The following MRAP2 variants were observed in gnomAD, a reference collection of about 807,000 sequenced individuals.
The protein encoded by MRAP2 is melanocortin 2 receptor accessory protein 2.
Under a neutral mutation model 17.4 loss-of-function variants are expected in MRAP2, and 20 were observed. The observed-to-expected ratio is 1.15, with a 90% confidence interval of 0.81 to 1.67. The LOEUF is 1.67. Ranked by LOEUF, MRAP2 falls within the 40% of genes most tolerant of loss-of-function variation. MRAP2 has a pLI of 0.00. For missense variants in MRAP2, 238 were observed against 240.0 expected (o/e 0.99, Z 0.05); for synonymous variants, 96 against 88.4 (o/e 1.09, Z -0.48).
the MRAP2 span, among the ~76,000 whole-genome samples, chr6:84,141,663 G>T: frequency 6.6e-6 from 1 of 152,156 alleles, no homozygotes; most frequent in Non-Finnish European, 1.5e-5. Context: ...ACTCCAGCCT[G>T]ATATCCAGGG....
intron 1 of MRAP2, among the ~76,000 whole-genome samples, chr6:84,047,454 A>C (rs548902244): frequency 1.2e-4 from 18 of 152,050 alleles, no homozygotes; most frequent in African/African-American, 4.3e-4. Context: ...GGCTTCCCAA[A>C]GTACTGGGAT....
chr6:84,076,124 C>T (rs935464133), intron 3 of MRAP2, among the ~76,000 whole-genome samples: 12 of 151,786 alleles, frequency 7.9e-5, no homozygotes, highest in East Asian at 3.9e-4. Flanking sequence ...TGCAGTGGTG[C>T]GATCTCGGCT....
chr6:84,127,663 T>C, the MRAP2 span, among the ~76,000 whole-genome samples: 1 of 152,202 alleles, frequency 6.6e-6, no homozygotes, highest in Non-Finnish European at 1.5e-5. Flanking sequence ...TTTCAATTCC[T>C]GTAACCTTTT....
intron 1 of MRAP2, among the ~76,000 whole-genome samples, chr6:84,048,897 G>A (rs905757613): frequency 2.6e-5 from 4 of 152,172 alleles, no homozygotes; most frequent in African/African-American, 7.2e-5. Context: ...GTCCATAAGG[G>A]CTTTCTCATC....
chr6:84,145,715 G>A, the MRAP2 span, among the ~76,000 whole-genome samples: 1 of 151,996 alleles, frequency 6.6e-6, no homozygotes, highest in Admixed American at 6.6e-5. Flanking sequence ...ATCTTAATAA[G>A]CTGAAGCTGA....
At chr6:84,122,146 C>CTAGT in the MRAP2 span, among the ~76,000 whole-genome samples, 2 of 151,870 alleles carry the variant, frequency 1.3e-5, no homozygotes, top group Admixed American at 1.3e-4. Context: ...ATACAAAGAG[C>CTAGT]TAGTATCAAT....
upstream of MRAP2, chr6:84,033,593 G>T (rs1256882891): frequency 1.2e-6 from 1 of 811,322 alleles, no homozygotes; most frequent in Non-Finnish European, 1.5e-6. Context: ...GAGGGGCAAA[G>T]TGAGCAGGAA....
At chr6:84,046,196 T>C (rs775107873) in intron 1 of MRAP2, among the ~76,000 whole-genome samples, 1 of 152,162 alleles carries the variant, frequency 6.6e-6, no homozygotes, top group Non-Finnish European at 1.5e-5. Context: ...AAAATGATAA[T>C]TGTTAATAAT....
chr6:84,089,269 A>C lies in MRAP2; in HGVS notation c.406A>C (p.Thr136Pro). Reference protein sequence around the residue: ...LDRAKACHQTTALDSDVQLQE... With the variant: ...LDRAKACHQTPALDSDVQLQE... ...CAGAGCCAAAGCTTGTCACCAGACC[A>C]CAGCCCTTGACAGTGACGTCCAACT... is the stretch of plus-strand genomic sequence containing the variant. Residue 136 changes from threonine to proline, a missense_variant, in exon 4 of 4, where the codon ACA becomes CCA. By Grantham distance (38) the Thr-to-Pro change is conservative (BLOSUM62 -1). Coordinates refer to ENST00000257776, the MANE Select transcript of MRAP2 (RefSeq NM_138409.4). 2 of 1,614,206 alleles carry C rather than the reference A, an allele frequency of 1.2e-6. No individual in the cohort carries two copies. Among genetic ancestry groups the C allele is most frequent in the Non-Finnish European group, 1.7e-6 (2 of 1,180,044 alleles).
At chr6:84,127,192 T>C in the MRAP2 span, among the ~76,000 whole-genome samples, 6 of 152,048 alleles carry the variant, frequency 3.9e-5, no homozygotes, top group Non-Finnish European at 5.9e-5. Context: ...CATATAATCA[T>C]GAAAAGAAAT....
At chr6:84,138,594 A>C in the MRAP2 span, among the ~76,000 whole-genome samples, 1 of 152,182 alleles carries the variant, frequency 6.6e-6, no homozygotes, top group Non-Finnish European at 1.5e-5. Flanking sequence ...ACCTTTACTC[A>C]GGACACTGAG....
chr6:84,091,934 TAG>T (rs2129177509), downstream of MRAP2, among the ~76,000 whole-genome samples: 1 of 152,350 alleles, frequency 6.6e-6, no homozygotes, highest in South Asian at 2.1e-4. Context: ...TTTAGTGACT[TAG>T]AGCAACACAA....
At chr6:84,116,681 T>G in the MRAP2 span, among the ~76,000 whole-genome samples, 1 of 152,188 alleles carries the variant, frequency 6.6e-6, no homozygotes, top group Non-Finnish European at 1.5e-5. Context: ...CCTAGTTTTT[T>G]GGGTTTTTGA....
chr6:84,057,927 T>C (rs2099492107), intron 2 of MRAP2, among the ~76,000 whole-genome samples: 1 of 152,084 alleles, frequency 6.6e-6, no homozygotes, highest in Admixed American at 6.5e-5. Flanking sequence ...CTATAATATA[T>C]CTGGGGGAAG....
chr6:84,064,774 A>G (rs79241052), intron 3 of MRAP2, among the ~76,000 whole-genome samples: 1 of 152,038 alleles, frequency 6.6e-6, no homozygotes, highest in African/African-American at 2.4e-5. Flanking sequence ...GGCGTGAGCC[A>G]CCGCGCCGGG....
chr6:84,081,791 T>C (rs947810507), intron 3 of MRAP2, among the ~76,000 whole-genome samples: 1 of 152,126 alleles, frequency 6.6e-6, no homozygotes, highest in African/African-American at 2.4e-5. Flanking sequence ...GCACTCCAGC[T>C]TGGGTGACAT....
chr6:84,085,398 A>G (rs1485429619), intron 3 of MRAP2, among the ~76,000 whole-genome samples: 1 of 152,134 alleles, frequency 6.6e-6, no homozygotes, highest in Non-Finnish European at 1.5e-5. Context: ...AAATCCCATA[A>G]ATCATGTCAT....
upstream of MRAP2, chr6:84,033,728 G>A (rs1562865466): frequency 1.0e-6 from 1 of 985,302 alleles, no homozygotes; most frequent in Non-Finnish European, 1.2e-6. Context: ...CCTCCGCTGC[G>A]GGTCGGGAGC....
chr6:84,132,636 G>A, the MRAP2 span, among the ~76,000 whole-genome samples: 2 of 151,884 alleles, frequency 1.3e-5, no homozygotes, highest in East Asian at 1.9e-4. Flanking sequence ...TGATCGAATT[G>A]GCTACTGAAG....
Sources: gnomAD v4.1 joint callset for allele counts (sites outside exome capture counted in the v4.1 genomes callset) on GRCh38, gnomAD v4.1.1 for gene constraint, MANE v1.5 for transcripts, NCBI Gene and HGNC (gene_info 2026-07-23, HGNC 2026-07-21) for gene names.